GPC6: variants seen among roughly 807,000 people sequenced by gnomAD.
GPC6 encodes glypican-6.
GPC6 carries 14 observed loss-of-function variants against 55.2 expected under a neutral mutation model. That is an observed-to-expected ratio of 0.25 (90% CI 0.17 to 0.40). The LOEUF is 0.40. Ranked by LOEUF, GPC6 falls within the 10% of genes least tolerant of loss-of-function variation. GPC6 has a pLI of 1.00. For missense variants in GPC6, 641 were observed against 708.5 expected (o/e 0.90, Z 1.08); for synonymous variants, 278 against 259.6 (o/e 1.07, Z -0.68).
intron 1 of GPC6, among the ~76,000 whole-genome samples, chr13:93,485,116 T>A (rs1879653608): frequency 6.6e-6 from 1 of 152,186 alleles, no homozygotes; most frequent in Admixed American, 6.5e-5. Context: ...AGAACAACAG[T>A]AATGGAAGGC....
At chr13:94,244,802 G>T (rs1046375945) in intron 4 of GPC6, among the ~76,000 whole-genome samples, 1 of 152,066 alleles carries the variant, frequency 6.6e-6, no homozygotes, top group Non-Finnish European at 1.5e-5. Context: ...AGAGGGGGAT[G>T]TAGGGAATGT....
chr13:93,413,451 T>C (rs1342542144), intron 1 of GPC6, among the ~76,000 whole-genome samples: 3 of 152,160 alleles, frequency 2.0e-5, no homozygotes, highest in South Asian at 2.1e-4. Context: ...GCGTGTGAGA[T>C]TGCAGATCTA....
At chr13:94,299,942 A>G (rs1268434609) in intron 5 of GPC6, among the ~76,000 whole-genome samples, 1 of 152,218 alleles carries the variant, frequency 6.6e-6, no homozygotes, top group African/African-American at 2.4e-5. Flanking sequence ...CAGTTCATTC[A>G]TTGACACTGT....
intron 3 of GPC6, among the ~76,000 whole-genome samples, chr13:94,003,780 A>G (rs557823882): frequency 6.6e-6 from 1 of 152,278 alleles, no homozygotes; most frequent in East Asian, 1.9e-4. Flanking sequence ...TTTGATAATT[A>G]TAATTACCCC....
chr13:93,323,855 G>A (rs1879546193), intron 1 of GPC6, among the ~76,000 whole-genome samples: 2 of 152,130 alleles, frequency 1.3e-5, no homozygotes, highest in Admixed American at 1.3e-4. Flanking sequence ...ATGCCAGTTA[G>A]TACAACCACT....
rs142693547 is a variant in GPC6 at position 94,347,149 on chromosome 13, G to A, written c.1153-35265G>A. On this transcript the variant is annotated intron_variant, in intron 6 of 8. Transcript: ENST00000377047. ...TTTGAGCATTTCAGATGCACGATTC[G>A]AGAGTTCCTGAACACTGCTATCTGA... Among the ~76,000 whole-genome samples, 361 of 152,230 alleles carry A rather than the reference G, an allele frequency of 2.4e-3. 2 individuals carry two copies. The highest frequency in any genetic ancestry group is 8.2e-3 in the African/African-American group (339 of 41,530).
intron 4 of GPC6, among the ~76,000 whole-genome samples, chr13:94,136,594 C>T (rs186013652): frequency 1.3e-5 from 2 of 152,244 alleles, no homozygotes; most frequent in African/African-American, 4.8e-5. Flanking sequence ...CCTGTAGTCC[C>T]AGCCACTCGG....
At position 94,291,189 on chromosome 13, in the gene GPC6, T is replaced by A. The variant is rs538026124; in HGVS notation, c.1008+4710T>A. ...GCCTGGGCGAGAGAGCAAGACTCCA[T>A]CTCAAAACAAAAAAGAAAAGAAAGA... On this transcript the variant is annotated intron_variant, in intron 5 of 8. Coordinates refer to ENST00000377047, the MANE Select transcript of GPC6 (RefSeq NM_005708.5). Among the ~76,000 whole-genome samples, 122 of 148,708 alleles carry A rather than the reference T, an allele frequency of 8.2e-4. 1 individual carries two copies. The highest frequency in any genetic ancestry group is 2.8e-3 in the African/African-American group (114 of 40,294).
intron 3 of GPC6, among the ~76,000 whole-genome samples, chr13:93,883,900 A>G (rs1159536265): frequency 1.3e-5 from 2 of 152,174 alleles, no homozygotes; most frequent in African/African-American, 4.8e-5. Context: ...AACAAAAACA[A>G]TCCATCTTTT....
At chr13:93,418,751 T>C (rs183311646) in intron 1 of GPC6, among the ~76,000 whole-genome samples, 18 of 151,256 alleles carry the variant, frequency 1.2e-4, no homozygotes, top group African/African-American at 4.4e-4. Flanking sequence ...AATGGCACTA[T>C]ACCGTAGCAT....
intron 1 of GPC6, among the ~76,000 whole-genome samples, chr13:93,354,854 C>T (rs9561326): frequency 0.15 from 23,131 of 151,952 alleles, 2,165 homozygotes; most frequent in East Asian, 0.37. Flanking sequence ...AGGAGGGGAG[C>T]CTTAAAAAGC....
intron 4 of GPC6, among the ~76,000 whole-genome samples, chr13:94,266,457 C>T (rs1005648345): frequency 2.6e-5 from 4 of 152,106 alleles, no homozygotes; most frequent in South Asian, 2.1e-4. Flanking sequence ...CGTGAGCCAC[C>T]GCGTCCAGCC....
At chr13:93,513,985 TG>T (rs1881085296) in intron 1 of GPC6, among the ~76,000 whole-genome samples, 1 of 150,508 alleles carries the variant, frequency 6.6e-6, no homozygotes, top group Admixed American at 6.7e-5. Flanking sequence ...GCGATTGTCC[TG>T]CCTCAGCCTC....
intron 5 of GPC6, among the ~76,000 whole-genome samples, chr13:94,304,228 G>A (rs1875821747): frequency 6.6e-6 from 1 of 152,176 alleles, no homozygotes; most frequent in African/African-American, 2.4e-5. Flanking sequence ...CCAATCTCGA[G>A]GAATGCCAAG....
At chr13:94,233,126 GTCT>G (rs1162664731) in intron 4 of GPC6, among the ~76,000 whole-genome samples, 1 of 148,986 alleles carries the variant, frequency 6.7e-6, no homozygotes, top group Non-Finnish European at 1.5e-5. Flanking sequence ...ACCCATCACT[GTCT>G]TCTTAAAAAC....
intron 1 of GPC6, among the ~76,000 whole-genome samples, chr13:93,280,976 G>C (rs950021025): frequency 1.3e-5 from 2 of 152,200 alleles, no homozygotes; most frequent in African/African-American, 4.8e-5. Flanking sequence ...GTGTGGCCCA[G>C]TTCCTAATAG....
At chr13:93,735,111 G>A (rs1883950654) in intron 2 of GPC6, among the ~76,000 whole-genome samples, 1 of 152,092 alleles carries the variant, frequency 6.6e-6, no homozygotes, top group Admixed American at 6.6e-5. Context: ...TGTCAATAAA[G>A]ATAATTACTG....
At chr13:94,170,280 A>G (rs1275110469) in intron 4 of GPC6, among the ~76,000 whole-genome samples, 1 of 141,992 alleles carries the variant, frequency 7.0e-6, no homozygotes, top group Non-Finnish European at 1.6e-5. Context: ...TTGGATGGAA[A>G]TCAAATTCTC....
chr13:94,117,638 A>G (rs1036803588), intron 4 of GPC6, among the ~76,000 whole-genome samples: 4 of 152,112 alleles, frequency 2.6e-5, no homozygotes, highest in Non-Finnish European at 4.4e-5. Flanking sequence ...TGCCAGGTTC[A>G]GTGTTAGGAC....
Sources: allele counts gnomAD v4.1 joint callset (sites outside exome capture counted in the v4.1 genomes callset), GRCh38; gene constraint gnomAD v4.1.1; transcripts MANE v1.5; gene names NCBI Gene and HGNC (gene_info 2026-07-23, HGNC 2026-07-21).